Variants in LINGO2 observed in about 807,000 individuals in gnomAD.
The protein encoded by LINGO2 is leucine rich repeat and Ig domain containing 2.
In LINGO2, 14 loss-of-function variants were observed where a neutral mutation model predicts 30.6. The observed-to-expected ratio is 0.46, with a 90% confidence interval of 0.30 to 0.72. LINGO2 has a LOEUF of 0.72. LINGO2 is among the 30% of genes least tolerant of loss of function. The pLI is 0.07. For missense variants in LINGO2, 729 were observed against 751.7 expected, an observed-to-expected ratio of 0.97 and a Z score of 0.35; for synonymous variants, 317 against 288.5, an observed-to-expected ratio of 1.10 and a Z score of -1.00.
rs1391694665 is a variant in LINGO2, at chr9:28,559,613, T to C, written c.-364-83588A>G. Among the ~76,000 whole-genome samples the C allele has an allele frequency of 5.9e-5, 9 of 152,140 alleles. 1 individual carries two copies. Among genetic ancestry groups the C allele is most frequent in the Admixed American group, 4.6e-4 (7 of 15,266 alleles). On this transcript the variant is annotated intron_variant, in intron 1 of 5. Transcript: ENST00000379992. Reference sequence around the variant, plus strand: ...TGACCAAACACTGTGTAATAGCTTTTATTATTTTCTTTCAACCCATGTAAC... The same window carrying C: ...TGACCAAACACTGTGTAATAGCTTTCATTATTTTCTTTCAACCCATGTAAC...
chr9:28,457,109 T>TC (rs980189273), intron 2 of LINGO2, among the ~76,000 whole-genome samples: 5 of 152,014 alleles, frequency 3.3e-5, no homozygotes, highest in Non-Finnish European at 7.4e-5. Context: ...AGCAAGACAG[T>TC]CAAGTTGTGC....
the LINGO2 span, among the ~76,000 whole-genome samples, chr9:28,972,099 G>A: frequency 6.6e-6 from 1 of 152,230 alleles, no homozygotes; most frequent in Non-Finnish European, 1.5e-5. Flanking sequence ...CGCTTGGGGT[G>A]CCCCCTAAAG....
At chr9:28,858,965 C>T in the LINGO2 span, among the ~76,000 whole-genome samples, 2 of 55,658 alleles carry the variant, frequency 3.6e-5, no homozygotes, top group Non-Finnish European at 7.4e-5. Flanking sequence ...GTTTTGCAGG[C>T]AGATCGTTAT....
At position 28,555,721 on chromosome 9, in the gene LINGO2, T is replaced by C. The variant is rs948139688; in HGVS notation, c.-364-79696A>G. Among the ~76,000 whole-genome samples the C allele has an allele frequency of 1.2e-4, 19 of 152,166 alleles. 1 individual carries two copies. The highest frequency in any genetic ancestry group is 2.2e-4 in the Non-Finnish European group (15 of 68,018). On this transcript the variant is annotated intron_variant, in intron 1 of 5. Coordinates refer to ENST00000379992, the Ensembl canonical transcript of LINGO2. Reference sequence around the variant, plus strand: ...AAAGCGAATTTTAGACCAATATCCTTGATGAACATTGATGCAAAAATCCTC... The same window carrying C: ...AAAGCGAATTTTAGACCAATATCCTCGATGAACATTGATGCAAAAATCCTC...
chr9:28,274,532 T>C (rs1823049962), intron 4 of LINGO2, among the ~76,000 whole-genome samples: 3 of 152,222 alleles, frequency 2.0e-5, no homozygotes, highest in Non-Finnish European at 4.4e-5. Flanking sequence ...AGATTTTCTT[T>C]CATTTACCTT....
At chr9:29,066,573 TA>T in the LINGO2 span, among the ~76,000 whole-genome samples, 2 of 151,874 alleles carry the variant, frequency 1.3e-5, no homozygotes, top group South Asian at 4.1e-4. Flanking sequence ...ATTCAACATT[TA>T]AATGGAGGAA....
At chr9:28,930,348 G>T in the LINGO2 span, among the ~76,000 whole-genome samples, 3 of 152,102 alleles carry the variant, frequency 2.0e-5, no homozygotes, top group African/African-American at 7.2e-5. This position sits in a 1 kb window ranked among gnomAD's most constrained non-coding sequence, Gnocchi z 4.2. Flanking sequence ...CATGGTACCT[G>T]TTTCTTATAA....
chr9:28,804,336 C>T, the LINGO2 span, among the ~76,000 whole-genome samples: 14 of 152,034 alleles, frequency 9.2e-5, no homozygotes, highest in African/African-American at 2.2e-4. Context: ...GACACACAAA[C>T]GACCTAGAAA....
intron 3 of LINGO2, among the ~76,000 whole-genome samples, chr9:28,371,723 C>A (rs775854820): frequency 3.3e-5 from 5 of 152,098 alleles, no homozygotes; most frequent in Non-Finnish European, 5.9e-5. Flanking sequence ...ATTAGGATTT[C>A]TTTGTACTCT....
rs1196226779 is a variant in LINGO2, at chr9:28,251,910, G to A, written c.-87+43298C>T. Among the ~76,000 whole-genome samples, 8 of 152,194 alleles carry A rather than the reference G, an allele frequency of 5.3e-5. No individual in the cohort carries two copies. The East Asian group carries it at 1.5e-3, about 29-fold the overall frequency. On this transcript the variant is annotated intron_variant, in intron 4 of 5. Coordinates refer to ENST00000379992, the Ensembl canonical transcript of LINGO2. Reference sequence around the variant, plus strand: ...TTGTATACCTGGAATTGTACTCTCTGGAGAAGTACATGAAAGAATACTGGG... The same window carrying A: ...TTGTATACCTGGAATTGTACTCTCTAGAGAAGTACATGAAAGAATACTGGG...
the LINGO2 span, among the ~76,000 whole-genome samples, chr9:28,677,844 G>A: frequency 6.6e-6 from 1 of 152,038 alleles, no homozygotes; most frequent in African/African-American, 2.4e-5. Context: ...AGATCAGGCA[G>A]TAACACCATA....
At chr9:28,596,017 A>G (rs1825158431) in intron 1 of LINGO2, among the ~76,000 whole-genome samples, 1 of 152,160 alleles carries the variant, frequency 6.6e-6, no homozygotes. Flanking sequence ...AATACATGTA[A>G]AACTAAAATT....
chr9:28,234,007 A>G (rs1821467774), intron 4 of LINGO2, among the ~76,000 whole-genome samples: 1 of 152,120 alleles, frequency 6.6e-6, no homozygotes, highest in African/African-American at 2.4e-5. Context: ...GCACATTCCC[A>G]CCTATGGTGG....
At chr9:28,513,036 C>T (rs946511607) in intron 1 of LINGO2, among the ~76,000 whole-genome samples, 4 of 151,090 alleles carry the variant, frequency 2.6e-5, no homozygotes, top group African/African-American at 9.8e-5. Flanking sequence ...AAGATCAATA[C>T]TTTGTAACTT....
intron 4 of LINGO2, among the ~76,000 whole-genome samples, chr9:28,120,513 G>A (rs1827064055): frequency 6.6e-6 from 1 of 152,138 alleles, no homozygotes; most frequent in Admixed American, 6.6e-5. Context: ...GCATTTGTTG[G>A]AAATATTCAG....
At chr9:28,280,656 C>A (rs7871547) in intron 4 of LINGO2, among the ~76,000 whole-genome samples, 87,338 of 151,812 alleles carry the variant, frequency 0.58, 25,395 homozygotes, top group Non-Finnish European at 0.6. Flanking sequence ...TATCAGTATA[C>A]TCTGAATGGT....
intron 1 of LINGO2, among the ~76,000 whole-genome samples, chr9:28,640,705 G>C (rs1827532028): frequency 6.6e-6 from 1 of 151,904 alleles, no homozygotes. Flanking sequence ...CTCTGCATTG[G>C]TTATTCTAGT....
intron 5 of LINGO2, among the ~76,000 whole-genome samples, chr9:28,002,374 G>C (rs977840489): frequency 6.6e-6 from 1 of 152,004 alleles, no homozygotes. Flanking sequence ...CCACAACTGA[G>C]AAAGAAGCAG....
intron 1 of LINGO2, among the ~76,000 whole-genome samples, chr9:28,514,791 A>G (rs186284183): frequency 2.9e-4 from 44 of 152,348 alleles, no homozygotes; most frequent in African/African-American, 1.0e-3. Flanking sequence ...ACTCAACAAC[A>G]GATTTTCAAT....
Sources: gnomAD v4.1 joint callset for allele counts (sites outside exome capture counted in the v4.1 genomes callset) on GRCh38, gnomAD v4.1.1 for gene constraint, Gnocchi (gnomAD v3.1) non-coding constraint, MANE v1.5 for transcripts, NCBI Gene and HGNC (gene_info 2026-07-23, HGNC 2026-07-21) for gene names.